The following RAP1B variants were observed in gnomAD, a reference collection of about 807,000 sequenced individuals.
RAP1B encodes RAP1B, member of RAS oncogene family.
A neutral mutation model predicts 27.5 loss-of-function variants in RAP1B; 1 was observed. The observed-to-expected ratio is 0.04, with a 90% CI of 0.01 to 0.17. The LOEUF (loss-of-function observed/expected upper bound fraction) is 0.17. Among genes scored for constraint, RAP1B ranks in the 10% least tolerant of loss-of-function variants. The pLI is 1.00. For missense variants in RAP1B, 84 were observed against 214.8 expected (o/e 0.39, Z 3.81); for synonymous variants, 75 against 73.1 (o/e 1.03, Z -0.13).
rs1441673151 is a variant in RAP1B at position 68,647,322 on chromosome 12, CAA to C, written c.-26-1376_-26-1375del. On this transcript the variant is annotated intron_variant, in intron 1 of 7. Coordinates refer to ENST00000250559, the MANE Select transcript of RAP1B (RefSeq NM_001010942.3). ...GGCCGAGGCAGGTGGATCATGAGGT[CAA>C]GAGATCGAGACCATCCTGGCCAACA... Among the ~76,000 whole-genome samples, 5 of 135,098 alleles carry C rather than the reference CAA, an allele frequency of 3.7e-5. No individual in the cohort carries two copies. The East Asian group carries it at 1.4e-3, about 37-fold the overall frequency. 88.6% of individuals were successfully genotyped at this position (135,098 alleles called of 152,430 possible).
intron 1 of RAP1B, among the ~76,000 whole-genome samples, chr12:68,624,107 C>T (rs1351961083): frequency 6.6e-6 from 1 of 151,816 alleles, no homozygotes; most frequent in Non-Finnish European, 1.5e-5. Flanking sequence ...GGAGAAGATA[C>T]CAGGGTCTGA....
chr12:68,642,364 A>G (rs570705996), intron 1 of RAP1B, among the ~76,000 whole-genome samples: 3 of 152,364 alleles, frequency 2.0e-5, no homozygotes, highest in African/African-American at 7.2e-5. Context: ...AAGGCAACAC[A>G]AGAAGTTAAA....
At position 68,665,873 on chromosome 12, in the gene RAP1B, T is replaced by TGAGA. The variant is rs200790056; in HGVS notation, c.*6628_*6631dup. 3.3e-5 allele frequency: 5 copies of TGAGA among 151,396 alleles called. No individual in the cohort carries two copies. The highest frequency in any genetic ancestry group is 7.3e-5 in the African/African-American group (3 of 40,898). 9.4% of individuals were successfully genotyped at this position (151,396 alleles called of 1,614,324 possible). A position where few individuals can be genotyped will look rare whatever the true frequency, so the allele number is the denominator to read the frequency against. On this transcript the variant is annotated 3_prime_UTR_variant, in exon 8 of 8. Coordinates refer to ENST00000250559, the MANE Select transcript of RAP1B (RefSeq NM_001010942.3). ...AACAAGACATCTTTTTTTTTTTTTT[T>TGAGA]GAGAGAGTCTGGCTCTGTCACCCAG...
At chr12:68,655,734 C>T (rs926053829) in intron 5 of RAP1B, among the ~76,000 whole-genome samples, 2 of 152,098 alleles carry the variant, frequency 1.3e-5, no homozygotes, top group Non-Finnish European at 2.9e-5. Context: ...CAGGGTTTCG[C>T]CATGTTGGCC....
At chr12:68,616,238 A>G (rs1422126209) in intron 1 of RAP1B, among the ~76,000 whole-genome samples, 1 of 151,770 alleles carries the variant, frequency 6.6e-6, no homozygotes, top group African/African-American at 2.4e-5. Context: ...CTGGGATTAC[A>G]GGCGTGAGCC....
rs1397047295 is a variant in RAP1B, at chr12:68,610,928, C to T, written c.-142C>T. On this transcript the variant is annotated 5_prime_UTR_variant, in exon 1 of 8. Transcript: ENST00000250559. ...TCGCCAAACCTCGCCCAGATTCAGG[C>T]GTGTAAACCAGCCGGAGCGGCGCGG... 1.6e-5 allele frequency: 5 copies of T among 308,270 alleles called. No homozygotes were observed. Among genetic ancestry groups the T allele is most frequent in the East Asian group, 1.4e-4 (3 of 21,598 alleles). 19.1% of individuals were successfully genotyped at this position (308,270 alleles called of 1,614,324 possible).
chr12:68,653,686 T>A (rs1042600096), intron 4 of RAP1B, among the ~76,000 whole-genome samples: 3 of 152,122 alleles, frequency 2.0e-5, no homozygotes, highest in African/African-American at 7.2e-5. Flanking sequence ...CCCAGCACTT[T>A]GGGAGGCCGA....
intron 1 of RAP1B, among the ~76,000 whole-genome samples, chr12:68,629,355 G>A (rs1872068912): frequency 6.6e-6 from 1 of 152,088 alleles, no homozygotes; most frequent in Non-Finnish European, 1.5e-5. Context: ...GAAGGACATG[G>A]TAAGAGCTTT....
chr12:68,645,223 C>A (rs1873319628), intron 1 of RAP1B, among the ~76,000 whole-genome samples: 1 of 152,182 alleles, frequency 6.6e-6, no homozygotes, highest in South Asian at 2.1e-4. Flanking sequence ...GTAGCTGTTA[C>A]TATCTTAATT....
rs1004754549 is a variant in RAP1B at position 68,662,494 on chromosome 12, T to G, written c.*3245T>G. 1.6e-4 allele frequency: 24 copies of G among 146,710 alleles called. No individual in the cohort carries two copies. In the Admixed American group the frequency reaches 1.6e-3, roughly 10 times the overall value. 9.1% of individuals were successfully genotyped at this position (146,710 alleles called of 1,614,324 possible). ...CCATTTATAAAATGAAGTTTTGCCG[T>G]TTTTTTTTTTAAATCATTCCGTCTT... On this transcript the variant is annotated 3_prime_UTR_variant, in exon 8 of 8. Coordinates refer to ENST00000250559, the MANE Select transcript of RAP1B (RefSeq NM_001010942.3).
At chr12:68,627,958 T>A (rs562779230) in intron 1 of RAP1B, among the ~76,000 whole-genome samples, 4 of 151,590 alleles carry the variant, frequency 2.6e-5, no homozygotes, top group East Asian at 3.9e-4. Flanking sequence ...AAAAAAAAAA[T>A]TTAATCAGGC....
intron 1 of RAP1B, among the ~76,000 whole-genome samples, chr12:68,616,031 T>TC (rs1457626776): frequency 6.6e-6 from 1 of 151,928 alleles, no homozygotes; most frequent in Non-Finnish European, 1.5e-5. Context: ...TGGCACGGTC[T>TC]CCGCTCACTG....
chr12:68,627,333 C>A lies in RAP1B; in HGVS notation c.-27+16290C>A. 5 of 751,876 alleles carry A rather than the reference C, an allele frequency of 6.7e-6. No homozygotes were observed. The East Asian group carries it at 7.4e-5, about 11-fold the overall frequency. 46.6% of individuals were successfully genotyped at this position (751,876 alleles called of 1,614,324 possible). A position where few individuals can be genotyped will look rare whatever the true frequency, so the allele number is the denominator to read the frequency against. ...TGTTTGCAGCCATTGCACACTGGGC[C>A]CCCCCATGAGGAAAGGAACTCAGTT... is the stretch of plus-strand genomic sequence containing the variant. On this transcript the variant is annotated intron_variant, in intron 1 of 7. Transcript: ENST00000250559.
chr12:68,631,699 T>C (rs552580393), intron 1 of RAP1B, among the ~76,000 whole-genome samples: 2 of 152,214 alleles, frequency 1.3e-5, no homozygotes, highest in Non-Finnish European at 2.9e-5. Context: ...TGTTGAAATA[T>C]TGTAACTTTT....
At chr12:68,615,107 A>G (rs1020512751) in intron 1 of RAP1B, among the ~76,000 whole-genome samples, 1 of 152,208 alleles carries the variant, frequency 6.6e-6, no homozygotes, top group Non-Finnish European at 1.5e-5. Context: ...GCAACAAAAA[A>G]TAGTATCACT....
chr12:68,669,550 C>T lies in RAP1B; in HGVS notation c.*10301C>T, dbSNP rs546595604. 3.3e-5 allele frequency: 5 copies of T among 152,332 alleles called. No homozygotes were observed. Among genetic ancestry groups the T allele is most frequent in the African/African-American group, 1.2e-4 (5 of 41,552 alleles). The allele number at this position is 152,332 out of a possible 1,614,324, so 9.4% of individuals were successfully genotyped here. A position where few individuals can be genotyped will look rare whatever the true frequency, so the allele number is the denominator to read the frequency against. ...GGGCACGGTGGCTCACACCTGTAAT[C>T]CCAGCACTTTCGGAGGCCGAGGGGG... On this transcript the variant is annotated 3_prime_UTR_variant, in exon 8 of 8. Coordinates refer to ENST00000250559, the MANE Select transcript of RAP1B (RefSeq NM_001010942.3).
At chr12:68,612,120 A>G (rs1870646521) in intron 1 of RAP1B, among the ~76,000 whole-genome samples, 1 of 152,198 alleles carries the variant, frequency 6.6e-6, no homozygotes, top group Non-Finnish European at 1.5e-5. Context: ...GAAAGTTGAC[A>G]CTAAATGAAG....
At chr12:68,656,106 G>A (rs1874187318) in intron 5 of RAP1B, among the ~76,000 whole-genome samples, 200 bp from the exon 6 acceptor site, 1 of 152,144 alleles carries the variant, frequency 6.6e-6, no homozygotes, top group Admixed American at 6.6e-5. Flanking sequence ...GAAGGCAGTG[G>A]AGATAATTGA....
chr12:68,661,134 C>T lies in RAP1B; in HGVS notation c.*1885C>T, dbSNP rs1874573119. 6.6e-6 allele frequency: 1 copy of T among 152,146 alleles called. No individual in the cohort carries two copies. The highest frequency in any genetic ancestry group is 6.6e-5 in the Admixed American group (1 of 15,262). The allele number at this position is 152,146 out of a possible 1,614,324, so 9.4% of individuals were successfully genotyped here. ...GGGGTATCTGCTAATCCCCTAAATA[C>T]ACGCTGTTTGAATGATACATTTTTA... is the stretch of plus-strand genomic sequence containing the variant. On this transcript the variant is annotated 3_prime_UTR_variant, in exon 8 of 8. Transcript: ENST00000250559.
Sources: allele counts gnomAD v4.1 joint callset (sites outside exome capture counted in the v4.1 genomes callset), GRCh38; gene constraint gnomAD v4.1.1; transcripts MANE v1.5; gene names NCBI Gene and HGNC (gene_info 2026-07-23, HGNC 2026-07-21).